The following VPS13B variants were observed in gnomAD, a reference collection of about 807,000 sequenced individuals.
VPS13B encodes intermembrane lipid transfer protein VPS13B.
In VPS13B, 285 loss-of-function variants were observed where a neutral mutation model predicts 426.4. The ratio of observed to expected loss-of-function variants is 0.67; its 90% CI spans 0.61 to 0.74. VPS13B has a LOEUF of 0.74. Among genes scored for constraint, VPS13B ranks in the 30% least tolerant of loss-of-function variants. The pLI, the probability that VPS13B is intolerant of heterozygous loss-of-function variation, is 0.00. For missense variants in VPS13B, 4,537 were observed against 4,782.6 expected (o/e 0.95, Z 1.51); for synonymous variants, 1,676 against 1,676.4 (o/e 1.00, Z 0.01).
chr8:99,671,151 T>C (rs1276287660), intron 35 of VPS13B, among the ~76,000 whole-genome samples: 1 of 152,184 alleles, frequency 6.6e-6, no homozygotes, highest in Non-Finnish European at 1.5e-5. Context: ...ACACTTGTTA[T>C]GTTTTGTCTT....
At chr8:99,296,574 T>C (rs1462297125) in intron 19 of VPS13B, among the ~76,000 whole-genome samples, 3 of 152,218 alleles carry the variant, frequency 2.0e-5, no homozygotes, top group Admixed American at 2.0e-4. Flanking sequence ...ATATTGTGAA[T>C]GCATATTTAT....
chr8:99,476,780 ACT>A lies in VPS13B; in HGVS notation c.3667-4816_3667-4815del, dbSNP rs563643973. Among the ~76,000 whole-genome samples the A allele has an allele frequency of 2.0e-5, 3 of 152,274 alleles. No homozygotes were observed. In the South Asian group the frequency reaches 6.2e-4, roughly 32 times the overall value. On this transcript the variant is annotated intron_variant, in intron 24 of 61. Transcript: ENST00000357162. ...AAAGAAAAACATTTTCAGAGAAAAG[ACT>A]CTATCACCAGTAGGAACTGCATACA...
chr8:99,398,712 C>T (rs1234590318), intron 21 of VPS13B, among the ~76,000 whole-genome samples: 2 of 152,124 alleles, frequency 1.3e-5, no homozygotes, highest in African/African-American at 2.4e-5. Context: ...CAGGAAAAAT[C>T]ATTTCTTCTT....
chr8:99,673,244 A>T (rs1440351982), intron 35 of VPS13B, among the ~76,000 whole-genome samples: 1 of 152,054 alleles, frequency 6.6e-6, no homozygotes, highest in Non-Finnish European at 1.5e-5. Context: ...TTCAGTGGTG[A>T]AGTCATTGGA....
chr8:99,239,226 A>G (rs1266409585), intron 17 of VPS13B, among the ~76,000 whole-genome samples: 1 of 152,212 alleles, frequency 6.6e-6, no homozygotes, highest in African/African-American at 2.4e-5. Context: ...GACACATTCT[A>G]TATAAATCTG....
chr8:99,564,101 A>G (rs1047411766), intron 31 of VPS13B, among the ~76,000 whole-genome samples: 8 of 152,272 alleles, frequency 5.3e-5, no homozygotes, highest in Admixed American at 4.6e-4. Flanking sequence ...TGTATGTTGT[A>G]GGGAGTGGGG....
chr8:99,157,023 T>G (rs999742309), intron 15 of VPS13B, among the ~76,000 whole-genome samples: 4 of 152,306 alleles, frequency 2.6e-5, no homozygotes, highest in East Asian at 1.9e-4. Context: ...GATGGTAATT[T>G]TTATAAGCAA....
In VPS13B at chr8:99,720,377, A is replaced by G; in HGVS notation, c.6690A>G (p.Leu2230=). ...GGGGTCAAGAACATTTGAATTGTTT[A>G]GTTCTTCTACATGAATTACTCAATG... ...VFWGQEHLNC[L]VLLHELLNGY... Residue 2230 remains leucine (L), a synonymous_variant, in exon 38 of 62, where the codon TTA becomes TTG. Transcript: ENST00000357162. 6.2e-7 allele frequency: 1 copy of G among 1,613,578 alleles called. No individual in the cohort carries two copies. The highest frequency in any genetic ancestry group is 8.5e-7 in the Non-Finnish European group (1 of 1,179,868).
At chr8:99,628,809 G>A (rs773676798) in intron 33 of VPS13B, among the ~76,000 whole-genome samples, 2 of 151,400 alleles carry the variant, frequency 1.3e-5, no homozygotes, top group African/African-American at 2.4e-5. Flanking sequence ...ACAGGATCTC[G>A]CTTTGTCACC....
chr8:99,664,132 G>T (rs1830356020), intron 35 of VPS13B, among the ~76,000 whole-genome samples: 1 of 150,684 alleles, frequency 6.6e-6, no homozygotes, highest in Non-Finnish European at 1.5e-5. Flanking sequence ...TCAGCCTCCT[G>T]AGTAGCTGGG....
At chr8:99,671,872 T>G (rs1253693335) in intron 35 of VPS13B, among the ~76,000 whole-genome samples, 2 of 152,196 alleles carry the variant, frequency 1.3e-5, no homozygotes, top group Non-Finnish European at 2.9e-5. Context: ...CAGCATTTAT[T>G]GAAGAGACCA....
At chr8:99,476,090 A>G (rs1819674104) in intron 24 of VPS13B, among the ~76,000 whole-genome samples, 1 of 152,234 alleles carries the variant, frequency 6.6e-6, no homozygotes, top group Non-Finnish European at 1.5e-5. Context: ...TGTTATATGA[A>G]TATCATTTTA....
chr8:99,298,146 A>T (rs1431141668), intron 19 of VPS13B, among the ~76,000 whole-genome samples: 6 of 152,222 alleles, frequency 3.9e-5, no homozygotes, highest in African/African-American at 7.2e-5. Context: ...TGCAGTGGCT[A>T]ACTTTTCAGA....
chr8:99,738,222 T>A (rs1833925030), intron 39 of VPS13B, among the ~76,000 whole-genome samples: 1 of 152,256 alleles, frequency 6.6e-6, no homozygotes. Context: ...TTTAAACCAT[T>A]TTTCAAAAAT....
At chr8:99,243,589 C>G (rs1384956667) in intron 17 of VPS13B, among the ~76,000 whole-genome samples, 1 of 151,996 alleles carries the variant, frequency 6.6e-6, no homozygotes, top group East Asian at 1.9e-4. Flanking sequence ...TCACTGATGT[C>G]TTACATTTTT....
At chr8:99,336,562 T>A (rs1810884848) in intron 19 of VPS13B, among the ~76,000 whole-genome samples, 1 of 151,982 alleles carries the variant, frequency 6.6e-6, no homozygotes, top group Admixed American at 6.6e-5. Flanking sequence ...GAAACTACCA[T>A]CAGAGTGCAG....
chr8:99,081,950 G>A (rs1158593011), intron 3 of VPS13B, among the ~76,000 whole-genome samples: 1 of 152,146 alleles, frequency 6.6e-6, no homozygotes, highest in Non-Finnish European at 1.5e-5. Flanking sequence ...ATAGCAGCAT[G>A]ATTTATAATC....
At chr8:99,583,887 G>T (rs1186175347) in intron 33 of VPS13B, among the ~76,000 whole-genome samples, 1 of 152,088 alleles carries the variant, frequency 6.6e-6, no homozygotes, top group Non-Finnish European at 1.5e-5. Context: ...CTCTCTTGAG[G>T]TAGTCATGAA....
At chr8:99,707,504 C>A (rs1177717560) in intron 36 of VPS13B, among the ~76,000 whole-genome samples, 1 of 152,114 alleles carries the variant, frequency 6.6e-6, no homozygotes, top group Non-Finnish European at 1.5e-5. Flanking sequence ...TTATCAATAA[C>A]CTTTATTATC....
Sources: gnomAD v4.1 joint callset for allele counts (sites outside exome capture counted in the v4.1 genomes callset) on GRCh38, gnomAD v4.1.1 for gene constraint, MANE v1.5 for transcripts, NCBI Gene and HGNC (gene_info 2026-07-23, HGNC 2026-07-21) for gene names.